ZC3H18: variants seen among roughly 807,000 people sequenced by gnomAD.
The protein encoded by ZC3H18 is zinc finger CCCH-type containing 18, also known as zinc finger CCCH domain-containing protein 18.
A neutral mutation model predicts 106.1 loss-of-function variants in ZC3H18; 8 were observed. The observed-to-expected ratio is 0.08, with a 90% CI of 0.04 to 0.14. The LOEUF (loss-of-function observed/expected upper bound fraction) is 0.14. Ranked by LOEUF, ZC3H18 falls within the 10% of genes least tolerant of loss-of-function variation. The pLI is 1.00. For missense variants in ZC3H18, 1,318 were observed against 1,278.4 expected, an observed-to-expected ratio of 1.03 and a Z score of -0.47; for synonymous variants, 635 against 522.1, an observed-to-expected ratio of 1.22 and a Z score of -2.95.
chr16:88,614,930 A>G (rs1905487404), intron 8 of ZC3H18, among the ~76,000 whole-genome samples: 1 of 149,332 alleles, frequency 6.7e-6, no homozygotes. Flanking sequence ...GGCTGCCCCC[A>G]TTTCCTCCAT....
At chr16:88,623,402 C>T (rs1490580859) in intron 10 of ZC3H18, 58 bp downstream of exon 10, 20 of 1,591,784 alleles carry the variant, frequency 1.3e-5, no homozygotes, top group South Asian at 1.0e-4. Flanking sequence ...AGGGCACCTG[C>T]GGATGTGGCT....
Position 88,623,911 on chromosome 16 carries a change from AAGAAACACCC to A in ZC3H18, c.1794-46_1794-37del, listed in dbSNP as rs770117548. 3.2e-6 allele frequency: 5 copies of A among 1,556,766 alleles called. No individual in the cohort carries two copies. In the African/African-American group the frequency reaches 6.8e-5, roughly 21 times the overall value. On this transcript the variant is annotated intron_variant, in intron 10 of 17. Transcript: ENST00000301011. ...GGTCCTCAGTGGGCTTGGGCTGGTG[AAGAAACACCC>A]CCAGGCCCCTTCCGACACCTTTGTT... is the stretch of plus-strand genomic sequence containing the variant.
At chr16:88,600,660 A>G (rs968580528) in intron 6 of ZC3H18, among the ~76,000 whole-genome samples, 12 of 152,294 alleles carry the variant, frequency 7.9e-5, no homozygotes, top group African/African-American at 2.9e-4. Flanking sequence ...TGATCCACCC[A>G]CGCCTGCCTC....
chr16:88,613,692 T>C (rs1905402391), intron 8 of ZC3H18, among the ~76,000 whole-genome samples: 1 of 152,244 alleles, frequency 6.6e-6, no homozygotes, highest in Non-Finnish European at 1.5e-5. Flanking sequence ...TTTTTTATTA[T>C]TGAGTGGTAA....
At chr16:88,623,399 C>T in intron 10 of ZC3H18, 55 bp downstream of exon 10, 14 of 1,594,588 alleles carry the variant, frequency 8.8e-6, no homozygotes, top group Non-Finnish European at 1.1e-5. Flanking sequence ...GCAAGGGCAC[C>T]TGCGGATGTG....
chr16:88,613,068 C>G (rs963806645), intron 8 of ZC3H18, among the ~76,000 whole-genome samples: 1 of 152,336 alleles, frequency 6.6e-6, no homozygotes, highest in Non-Finnish European at 1.5e-5. Context: ...ACTTCCCAGT[C>G]TCTTAGCAGC....
At chr16:88,570,972 C>T (rs1419424274) in intron 1 of ZC3H18, among the ~76,000 whole-genome samples, 1 of 152,236 alleles carries the variant, frequency 6.6e-6, no homozygotes, top group African/African-American at 2.4e-5. Flanking sequence ...CTGCTGGGCT[C>T]TTCGGAGAAC....
At chr16:88,586,985 G>C (rs1301566439) in intron 3 of ZC3H18, among the ~76,000 whole-genome samples, 4 of 152,230 alleles carry the variant, frequency 2.6e-5, no homozygotes, top group African/African-American at 4.8e-5. Flanking sequence ...CTATAATGCA[G>C]ATGGCATCAG....
At chr16:88,583,993 C>G (rs1915293577) in intron 2 of ZC3H18, among the ~76,000 whole-genome samples, 1 of 152,080 alleles carries the variant, frequency 6.6e-6, no homozygotes, top group Non-Finnish European at 1.5e-5. Context: ...AGCTCTGGGT[C>G]CCTGTCTTGA....
chr16:88,604,302 G>A (rs1904902144), intron 6 of ZC3H18, among the ~76,000 whole-genome samples: 1 of 150,720 alleles, frequency 6.6e-6, no homozygotes, highest in Non-Finnish European at 1.5e-5. Flanking sequence ...CAGCAAGTGA[G>A]ATCGTGCCAC....
At chr16:88,585,625 A>G (rs1317067743) in intron 2 of ZC3H18, among the ~76,000 whole-genome samples, 1 of 152,196 alleles carries the variant, frequency 6.6e-6, no homozygotes, top group African/African-American at 2.4e-5. Context: ...TTGAATAATC[A>G]GGAAGAGGAG....
chr16:88,601,974 G>A (rs751013036), intron 6 of ZC3H18, among the ~76,000 whole-genome samples: 1 of 152,226 alleles, frequency 6.6e-6, no homozygotes, highest in Non-Finnish European at 1.5e-5. Flanking sequence ...CTAAGGGAAG[G>A]GTGGGTCCAC....
chr16:88,611,873 C>G (rs1029897269), intron 8 of ZC3H18, among the ~76,000 whole-genome samples: 2 of 152,222 alleles, frequency 1.3e-5, no homozygotes, highest in African/African-American at 4.8e-5. Context: ...CGGTGTGTAA[C>G]TCACACCCTG....
chr16:88,630,573 G>A lies in ZC3H18; in HGVS notation c.2655G>A (p.Pro885=), dbSNP rs1380979810. 6.9e-6 allele frequency: 11 copies of A among 1,604,686 alleles called. No individual in the cohort carries two copies. The East Asian group carries it at 9.0e-5, about 13-fold the overall frequency. Residue 885 remains proline (P), a synonymous_variant, in exon 17 of 18, where the codon CCG becomes CCA. Transcript: ENST00000301011. ...AGAACTCCAAAGCCCCTGCAGCCCCGGCTGACAGGTGAGTCCCACCCAGCA... is the reference window on the plus strand; with the variant it reads ...AGAACTCCAAAGCCCCTGCAGCCCCAGCTGACAGGTGAGTCCCACCCAGCA... ...RGQNSKAPAA[P]ADRKRQLSPQ...
chr16:88,580,495 C>CG (rs753418226), intron 2 of ZC3H18, among the ~76,000 whole-genome samples: 1 of 152,160 alleles, frequency 6.6e-6, no homozygotes, highest in Non-Finnish European at 1.5e-5. Context: ...AGCAGAGGTA[C>CG]GCGCCACGCC....
intron 6 of ZC3H18, among the ~76,000 whole-genome samples, chr16:88,602,096 G>A (rs777521326): frequency 3.3e-5 from 5 of 152,234 alleles, no homozygotes; most frequent in African/African-American, 1.2e-4. Context: ...GTCCTGGTGC[G>A]TGCTGTTGGC....
intron 11 of ZC3H18, 146 bp downstream of exon 11, chr16:88,624,208 G>A (rs1251297070): frequency 1.9e-6 from 2 of 1,080,116 alleles, no homozygotes; most frequent in Non-Finnish European, 2.6e-6. Flanking sequence ...TGACTGGGCT[G>A]GGAGGCACTG....
intron 2 of ZC3H18, among the ~76,000 whole-genome samples, chr16:88,584,377 G>A (rs1332145536): frequency 1.3e-5 from 2 of 151,442 alleles, no homozygotes; most frequent in African/African-American, 2.4e-5. Flanking sequence ...AACCGAGATC[G>A]TGCCACTGCA....
In ZC3H18 at chr16:88,611,487, CGGGAGAAGGAGA is replaced by C; in HGVS notation, c.1427_1438del (p.Arg476_Lys480delinsGln). On this transcript the variant is annotated inframe_deletion, in exon 8 of 18. Coordinates refer to ENST00000301011, the MANE Select transcript of ZC3H18 (RefSeq NM_144604.4). ...CCGTGACCGCGACCGGGAGAAGGAG[CGGGAGAAGGAGA>C]AGGGGAAGCCCAAGCCCCGCTCCCC... is the stretch of plus-strand genomic sequence containing the variant. The C allele has an allele frequency of 6.4e-7, 1 of 1,550,484 alleles. No individual in the cohort carries two copies. The highest frequency in any genetic ancestry group is 8.7e-7 in the Non-Finnish European group (1 of 1,146,414).
Sources: allele counts gnomAD v4.1 joint callset (sites outside exome capture counted in the v4.1 genomes callset), GRCh38; gene constraint gnomAD v4.1.1; transcripts MANE v1.5; gene names NCBI Gene and HGNC (gene_info 2026-07-23, HGNC 2026-07-21).